Variants in PCDH15 observed in about 807,000 individuals in gnomAD.
PCDH15 encodes protocadherin-15.
Under a neutral mutation model 178.5 loss-of-function variants are expected in PCDH15, and 129 were observed. The ratio of observed to expected loss-of-function variants is 0.72; its 90% CI spans 0.63 to 0.84. The LOEUF (loss-of-function observed/expected upper bound fraction) is 0.84. Among genes scored for constraint, PCDH15 ranks in the 40% least tolerant of loss-of-function variants. The pLI, the probability that PCDH15 is intolerant of heterozygous loss-of-function variation, is 0.00. For missense variants in PCDH15, 2,230 were observed against 2,099.9 expected, an observed-to-expected ratio of 1.06 and a Z score of -1.21; for synonymous variants, 800 against 732.0, an observed-to-expected ratio of 1.09 and a Z score of -1.50.
chr10:55,321,415 AAAC>A (rs1843897744), upstream of PCDH15, among the ~76,000 whole-genome samples: 1 of 152,180 alleles, frequency 6.6e-6, no homozygotes, highest in African/African-American at 2.4e-5. Flanking sequence ...GCAACTTGAA[AAAC>A]AACTGAGAAT....
chr10:55,164,016 G>C (rs1326053424), intron 2 of PCDH15, among the ~76,000 whole-genome samples: 1 of 151,956 alleles, frequency 6.6e-6, no homozygotes, highest in African/African-American at 2.4e-5. Context: ...CCTTCTCTTG[G>C]GGTCTGGATT....
At chr10:54,998,403 AG>A in intron 2 of PCDH15, among the ~76,000 whole-genome samples, 1 of 152,248 alleles carries the variant, frequency 6.6e-6, no homozygotes, top group Non-Finnish European at 1.5e-5. Flanking sequence ...AATAAAAAAA[AG>A]AAAAATGTAG....
intron 2 of PCDH15, among the ~76,000 whole-genome samples, chr10:54,982,539 T>C (rs925193013): frequency 6.6e-6 from 1 of 152,210 alleles, no homozygotes; most frequent in South Asian, 2.1e-4. Flanking sequence ...CTACTCATAA[T>C]CTGATGATGA....
chr10:53,914,087 T>A (rs1237165006), intron 25 of PCDH15, among the ~76,000 whole-genome samples: 1 of 152,192 alleles, frequency 6.6e-6, no homozygotes, highest in Non-Finnish European at 1.5e-5. Flanking sequence ...CCAGTTAGAA[T>A]GGCAATCATT....
intron 2 of PCDH15, among the ~76,000 whole-genome samples, chr10:54,976,201 AT>A (rs1387421511): frequency 6.6e-6 from 1 of 152,180 alleles, no homozygotes; most frequent in African/African-American, 2.4e-5. Flanking sequence ...ACAAATATTA[AT>A]TTCAAAGAAA....
chr10:55,619,000 G>C (rs1269131254), intron 2 of PCDH15, among the ~76,000 whole-genome samples: 1 of 151,992 alleles, frequency 6.6e-6, no homozygotes, highest in African/African-American at 2.4e-5. Flanking sequence ...AATTAAACAT[G>C]TTCATGTGCA....
chr10:54,040,338 C>T (rs1001727822), intron 18 of PCDH15, among the ~76,000 whole-genome samples: 6 of 151,952 alleles, frequency 3.9e-5, no homozygotes, highest in Admixed American at 2.0e-4. Context: ...CTCATGAGGT[C>T]TGGTCTGATG....
intron 8 of PCDH15, among the ~76,000 whole-genome samples, chr10:54,307,580 GTA>G (rs1403152615): frequency 1.3e-5 from 2 of 151,916 alleles, no homozygotes; most frequent in Non-Finnish European, 2.9e-5. Flanking sequence ...TTGGCTCACA[GTA>G]TCACCTTGTG....
At chr10:54,794,837 T>C (rs962897768) in intron 1 of PCDH15, among the ~76,000 whole-genome samples, 1 of 151,902 alleles carries the variant, frequency 6.6e-6, no homozygotes, top group Non-Finnish European at 1.5e-5. Context: ...CATTCATTCC[T>C]AGATTGCTTT....
chr10:54,279,949 A>G (rs2058579616), intron 8 of PCDH15, among the ~76,000 whole-genome samples: 1 of 151,638 alleles, frequency 6.6e-6, no homozygotes, highest in South Asian at 2.1e-4. Context: ...GCTCATCAAA[A>G]CTTGTTTTGG....
At chr10:54,857,251 G>C (rs1953757172) in intron 3 of PCDH15, among the ~76,000 whole-genome samples, 1 of 151,992 alleles carries the variant, frequency 6.6e-6, no homozygotes, top group Non-Finnish European at 1.5e-5. Context: ...ATATACTATT[G>C]ACATTAAATG....
intron 8 of PCDH15, among the ~76,000 whole-genome samples, chr10:54,243,269 G>A (rs1591382330): frequency 6.6e-6 from 1 of 152,118 alleles, no homozygotes; most frequent in African/African-American, 2.4e-5. Context: ...CAGCACTTTG[G>A]GAGGCCAAGG....
At chr10:54,886,332 G>T (rs1954358722) in intron 3 of PCDH15, among the ~76,000 whole-genome samples, 1 of 152,132 alleles carries the variant, frequency 6.6e-6, no homozygotes, top group Non-Finnish European at 1.5e-5. Context: ...AGAGATAAAA[G>T]ACTTTTTGGC....
chr10:55,519,960 G>A (rs186688638), intron 2 of PCDH15, among the ~76,000 whole-genome samples: 165 of 149,474 alleles, frequency 1.1e-3, no homozygotes, highest in African/African-American at 3.6e-3. Context: ...TCAGTAACGC[G>A]GGATAAATGT....
At chr10:55,063,093 G>A (rs1008667605) in intron 2 of PCDH15, among the ~76,000 whole-genome samples, 1 of 151,980 alleles carries the variant, frequency 6.6e-6, no homozygotes, top group Non-Finnish European at 1.5e-5. Flanking sequence ...GGGAACATTT[G>A]GTAAATTGTC....
chr10:55,506,425 C>T (rs1410094810), intron 2 of PCDH15: 3 of 151,440 alleles, frequency 2.0e-5, no homozygotes, highest in Non-Finnish European at 3.0e-5. Context: ...TTGGATAATA[C>T]TATTTGTGTG....
intron 3 of PCDH15, among the ~76,000 whole-genome samples, chr10:54,503,264 T>TGTGTGTGTGTGAGAGA (rs35648214): frequency 7.3e-6 from 1 of 137,378 alleles, no homozygotes; most frequent in African/African-American, 2.7e-5. Context: ...TGTGTGTGTG[T>TGTGTGTGTGTGAGAGA]GATTATATAT....
At chr10:54,148,274 C>T (rs12265702) in intron 14 of PCDH15, among the ~76,000 whole-genome samples, 2,345 of 151,974 alleles carry the variant, frequency 0.015, 76 homozygotes, top group African/African-American at 0.054. Context: ...CATACAGAGT[C>T]CTCCCTCAGC....
At chr10:54,753,754 A>G (rs997863139) in intron 1 of PCDH15, among the ~76,000 whole-genome samples, 1 of 152,060 alleles carries the variant, frequency 6.6e-6, no homozygotes, top group African/African-American at 2.4e-5. Flanking sequence ...CCCTGGTAGC[A>G]CCTTCCTGAG....
Sources: allele counts gnomAD v4.1 joint callset (sites outside exome capture counted in the v4.1 genomes callset), GRCh38; gene constraint gnomAD v4.1.1; transcripts MANE v1.5; gene names NCBI Gene and HGNC (gene_info 2026-07-23, HGNC 2026-07-21).